The following GRM5 variants were observed in gnomAD, a reference collection of about 807,000 sequenced individuals.
The protein encoded by GRM5 is metabotropic glutamate receptor 5.
GRM5 carries 19 observed loss-of-function variants against 83.1 expected under a neutral mutation model. The observed-to-expected ratio is 0.23, with a 90% CI of 0.16 to 0.34. GRM5 has a LOEUF of 0.34. GRM5 is among the 10% of genes least tolerant of loss of function. The probability of loss-of-function intolerance (pLI) is 1.00; values close to 1 mark genes in which losing one functional copy is unlikely to be tolerated. For missense variants in GRM5, 1,160 were observed against 1,588.3 expected, an observed-to-expected ratio of 0.73 and a Z score of 4.58; for synonymous variants, 675 against 633.6, an observed-to-expected ratio of 1.07 and a Z score of -0.98.
chr11:88,631,087 C>A (rs1565162143), intron 4 of GRM5, among the ~76,000 whole-genome samples: 1 of 152,108 alleles, frequency 6.6e-6, no homozygotes, highest in Non-Finnish European at 1.5e-5. Context: ...ACTAGGCCAA[C>A]CATGAGGGCT....
rs367672324 is a variant in GRM5 at position 88,833,013 on chromosome 11, A to C, written c.911+16893T>G. Among the ~76,000 whole-genome samples the C allele has an allele frequency of 4.6e-5, 7 of 152,112 alleles. No individual in the cohort carries two copies. In the South Asian group the frequency reaches 1.4e-3, roughly 31 times the overall value. On this transcript the variant is annotated intron_variant, in intron 3 of 9. Coordinates refer to ENST00000305447, the MANE Select transcript of GRM5 (RefSeq NM_001143831.3). Reference sequence around the variant, plus strand: ...AAGACCCCAAACTATAAAACTACTAAAAGAAAACATAGAGGAAACACTTGA... The same window carrying C: ...AAGACCCCAAACTATAAAACTACTACAAGAAAACATAGAGGAAACACTTGA...
intron 4 of GRM5, among the ~76,000 whole-genome samples, chr11:88,648,075 C>A (rs1939513314): frequency 6.6e-6 from 1 of 152,034 alleles, no homozygotes; most frequent in African/African-American, 2.4e-5. Context: ...ACTAGTTCAA[C>A]CATTGTGGAA....
chr11:88,815,198 A>ATT (rs984127221), intron 3 of GRM5, among the ~76,000 whole-genome samples: 3 of 152,204 alleles, frequency 2.0e-5, no homozygotes, highest in Non-Finnish European at 4.4e-5. Flanking sequence ...GCTTTAATAA[A>ATT]TTTAAAACAA....
intron 2 of GRM5, among the ~76,000 whole-genome samples, chr11:88,975,711 G>C (rs1939313559): frequency 6.6e-6 from 1 of 152,202 alleles, no homozygotes; most frequent in African/African-American, 2.4e-5. Flanking sequence ...ATGAATGTTT[G>C]TGAAGCACTG....
At chr11:88,985,017 T>C (rs1166351525) in intron 2 of GRM5, 2 of 493,676 alleles carry the variant, frequency 4.1e-6, no homozygotes, top group Non-Finnish European at 7.3e-6. Context: ...TTCCACTTAA[T>C]CATTTATTAA....
rs1197631765 is a variant in GRM5 at position 88,556,522 on chromosome 11, C to T, written c.2630+10531G>A. On this transcript the variant is annotated intron_variant, in intron 8 of 9. Transcript: ENST00000305447. ...ATTTTTGGTAGAGACAGGGTTTCAC[C>T]ATGTTGGTCAGGCTGGTCTTAAACT... Among the ~76,000 whole-genome samples, 5 of 151,906 alleles carry T rather than the reference C, an allele frequency of 3.3e-5. 1 individual carries two copies. Among genetic ancestry groups the T allele is most frequent in the Admixed American group, 1.3e-4 (2 of 15,246 alleles).
intron 4 of GRM5, among the ~76,000 whole-genome samples, chr11:88,624,760 C>A (rs1171209114): frequency 6.7e-6 from 1 of 149,536 alleles, no homozygotes; most frequent in Non-Finnish European, 1.5e-5. Flanking sequence ...CTTAGACAAT[C>A]AATTAAAACA....
intron 2 of GRM5, among the ~76,000 whole-genome samples, chr11:88,865,312 G>C (rs936618745): frequency 6.6e-6 from 1 of 152,126 alleles, no homozygotes; most frequent in Non-Finnish European, 1.5e-5. Flanking sequence ...AATGGGGAAA[G>C]GATCCCCTAT....
At chr11:88,683,550 T>C (rs999088728) in intron 3 of GRM5, among the ~76,000 whole-genome samples, 5 of 152,236 alleles carry the variant, frequency 3.3e-5, no homozygotes, top group African/African-American at 9.6e-5. Flanking sequence ...TCAGTTCTCA[T>C]TGTCTTCAAA....
chr11:88,704,990 C>G (rs928323210), intron 3 of GRM5, among the ~76,000 whole-genome samples: 1 of 152,012 alleles, frequency 6.6e-6, no homozygotes, highest in Non-Finnish European at 1.5e-5. Context: ...TATTTTATCT[C>G]ACCATCTCTA....
chr11:88,622,906 C>T (rs1938679377), intron 4 of GRM5, among the ~76,000 whole-genome samples: 1 of 152,044 alleles, frequency 6.6e-6, no homozygotes, highest in African/African-American at 2.4e-5. Context: ...GTTATTTACT[C>T]TGTCTAAACA....
intron 2 of GRM5, among the ~76,000 whole-genome samples, chr11:88,883,976 C>G (rs1945002195): frequency 1.3e-5 from 2 of 152,186 alleles, no homozygotes; most frequent in Non-Finnish European, 2.9e-5. Flanking sequence ...TGGAGAACCT[C>G]TGCTACAGCA....
At chr11:88,545,743 C>G (rs56867261) in intron 8 of GRM5, among the ~76,000 whole-genome samples, 1 of 152,234 alleles carries the variant, frequency 6.6e-6, no homozygotes, top group African/African-American at 2.4e-5. Flanking sequence ...CAATGGACAT[C>G]TGATTTCCCT....
At chr11:88,893,596 G>T (rs1295897525) in intron 2 of GRM5, among the ~76,000 whole-genome samples, 2 of 152,060 alleles carry the variant, frequency 1.3e-5, no homozygotes, top group Non-Finnish European at 1.5e-5. Context: ...ATTCAAAAAA[G>T]AATGTTACTT....
At chr11:88,697,684 T>C (rs557729482) in intron 3 of GRM5, among the ~76,000 whole-genome samples, 1 of 152,330 alleles carries the variant, frequency 6.6e-6, no homozygotes, top group Admixed American at 6.5e-5. Context: ...GAAAGTGCTT[T>C]TGTCTAGACA....
intron 8 of GRM5, among the ~76,000 whole-genome samples, chr11:88,565,905 A>G (rs1856099716): frequency 6.6e-6 from 1 of 152,140 alleles, no homozygotes; most frequent in African/African-American, 2.4e-5. Context: ...CCTCTGATTT[A>G]TTTTCAAACT....
At chr11:88,903,990 T>C (rs1325539313) in intron 2 of GRM5, among the ~76,000 whole-genome samples, 1 of 152,194 alleles carries the variant, frequency 6.6e-6, no homozygotes, top group African/African-American at 2.4e-5. Context: ...GGGTTTGGAA[T>C]AGCATTATGA....
In GRM5 at chr11:88,625,552, C is replaced by T. The variant is rs576185801; in HGVS notation, c.1148-20588G>A. On this transcript the variant is annotated intron_variant, in intron 4 of 9. Coordinates refer to ENST00000305447, the MANE Select transcript of GRM5 (RefSeq NM_001143831.3). ...GCACTAGCATCGTACCGGCATTATC[C>T]TATAGAATTGTGGGCGTGAATAGGC... 7.2e-5 allele frequency among the ~76,000 whole-genome samples: 11 copies of T among 152,114 alleles called. No individual in the cohort carries two copies. In the South Asian group the frequency reaches 2.3e-3, roughly 32 times the overall value.
intron 4 of GRM5, among the ~76,000 whole-genome samples, chr11:88,632,879 A>T (rs139964780): frequency 6.6e-6 from 1 of 152,194 alleles, no homozygotes; most frequent in Non-Finnish European, 1.5e-5. Flanking sequence ...ATCCATACTA[A>T]TAAGTGCATA....
Sources: gnomAD v4.1 joint callset for allele counts (sites outside exome capture counted in the v4.1 genomes callset) on GRCh38, gnomAD v4.1.1 for gene constraint, MANE v1.5 for transcripts, NCBI Gene and HGNC (gene_info 2026-07-23, HGNC 2026-07-21) for gene names.